FAM174B: variants seen among roughly 807,000 people sequenced by gnomAD.
FAM174B encodes family with sequence similarity 174 member B.
In FAM174B, 12 loss-of-function variants were observed where a neutral mutation model predicts 10.9. The observed-to-expected ratio is 1.10, with a 90% CI of 0.71 to 1.79. The LOEUF (loss-of-function observed/expected upper bound fraction) is 1.79. FAM174B is among the 40% of genes most tolerant of loss of function. FAM174B has a pLI of 0.00. For missense variants in FAM174B, 266 were observed against 233.3 expected (o/e 1.14, Z -0.91); for synonymous variants, 132 against 115.8 (o/e 1.14, Z -0.90).
rs555853051 is a variant in FAM174B, at chr15:92,618,160, T to TAAAAAATA, written c.*1288_*1295dup. The TAAAAAATA allele has an allele frequency of 6.1e-3, 932 of 153,184 alleles. 7 individuals are homozygous for TAAAAAATA. Among genetic ancestry groups the TAAAAAATA allele is most frequent in the Middle Eastern group, 0.013 (4 of 310 alleles). 9.5% of individuals were successfully genotyped at this position (153,184 alleles called of 1,614,324 possible). ...GCAAAGCCAGGAAAAAAGGGGGAGATAAAAAATAAAAAAATAAAAAACACC... is the reference window on the plus strand; with the variant it reads ...GCAAAGCCAGGAAAAAAGGGGGAGATAAAAAATAAAAAAATAAAAAAATAAAAAACACC... On this transcript the variant is annotated 3_prime_UTR_variant, in exon 3 of 3. Coordinates refer to ENST00000327355, the MANE Select transcript of FAM174B (RefSeq NM_207446.3).
chr15:92,644,328 C>A (rs2141962076), intron 1 of FAM174B, among the ~76,000 whole-genome samples: 1 of 152,270 alleles, frequency 6.6e-6, no homozygotes, highest in South Asian at 2.1e-4. Flanking sequence ...CCACCTAGAG[C>A]ATTTTCGACA....
chr15:92,618,797 T>C lies in FAM174B; in HGVS notation c.*659A>G, dbSNP rs2050697870. 5.8e-6 allele frequency: 1 copy of C among 172,678 alleles called. No homozygotes were observed. The highest frequency in any genetic ancestry group is 5.6e-5 in the Admixed American group (1 of 17,882). 10.7% of individuals were successfully genotyped at this position (172,678 alleles called of 1,614,324 possible). On this transcript the variant is annotated 3_prime_UTR_variant, in exon 3 of 3. Transcript: ENST00000327355. ...TTTTTCCCTGATACTGGAAATTCTT[T>C]GTGAACTAGCCACGCTGATTTCTGC...
In FAM174B at chr15:92,655,425, T is replaced by C. The variant is rs2050996451; in HGVS notation, c.235A>G (p.Thr79Ala). The C allele has an allele frequency of 6.3e-7, 1 of 1,591,580 alleles. No individual in the cohort carries two copies. The highest frequency in any genetic ancestry group is 8.5e-7 in the Non-Finnish European group (1 of 1,172,602). ...SSNSSGDALV[T>A]RISILLRDLP... ...TCGCGGAGGAGGATGGAAATGCGGG[T>C]CACCAAGGCGTCGCCACTGCTGTTG... Residue 79 changes from threonine to alanine, a missense_variant, in exon 1 of 3, where the codon ACC becomes GCC. Transcript: ENST00000327355.
intron 1 of FAM174B, among the ~76,000 whole-genome samples, chr15:92,646,989 G>T (rs2050932661): frequency 6.6e-6 from 1 of 152,212 alleles, no homozygotes; most frequent in South Asian, 2.1e-4. Flanking sequence ...GCTGAGTCAT[G>T]GGCCAGTGGC....
chr15:92,653,933 C>A (rs1329847734), intron 1 of FAM174B, among the ~76,000 whole-genome samples: 1 of 152,184 alleles, frequency 6.6e-6, no homozygotes, highest in Non-Finnish European at 1.5e-5. Context: ...CCACAGAGAG[C>A]TGCTAGAGTT....
In FAM174B at chr15:92,631,236, TATATATTATATTATATATA is replaced by T. The variant is rs1567045087; in HGVS notation, c.345-910_345-892del. ...ATATATTATATTATATATAATATAT[TATATATTATATTATATATA>T]ATATATTATATATTATATTATATAT... On this transcript the variant is annotated intron_variant, in intron 1 of 2. Coordinates refer to ENST00000327355, the MANE Select transcript of FAM174B (RefSeq NM_207446.3). 8.2e-3 allele frequency among the ~76,000 whole-genome samples: 23 copies of T among 2,792 alleles called. 3 individuals carry two copies. The highest frequency in any genetic ancestry group is 0.033 in the Non-Finnish European group (22 of 668). 1.8% of individuals were successfully genotyped at this position (2,792 alleles called of 152,430 possible). A position where few individuals can be genotyped will look rare whatever the true frequency, so the allele number is the denominator to read the frequency against.
chr15:92,649,830 G>T (rs192658920), intron 1 of FAM174B, among the ~76,000 whole-genome samples: 222 of 152,282 alleles, frequency 1.5e-3, no homozygotes, highest in African/African-American at 5.1e-3. Context: ...AAAGAATCTG[G>T]ATTTTGGCTG....
In FAM174B at chr15:92,642,091, A is replaced by G. The variant is rs1365957833; in HGVS notation, c.345-11746T>C. ...GGTCAACATGACTAGCCATCAATGC[A>G]TTGCAAATTAAACACACAACGAGAT... On this transcript the variant is annotated intron_variant, in intron 1 of 2. Transcript: ENST00000327355. Among the ~76,000 whole-genome samples, 4 of 152,252 alleles carry G rather than the reference A, an allele frequency of 2.6e-5. No individual in the cohort carries two copies. The East Asian group carries it at 7.7e-4, about 29-fold the overall frequency.
chr15:92,625,921 A>G (rs963517246), intron 2 of FAM174B, among the ~76,000 whole-genome samples: 1 of 152,160 alleles, frequency 6.6e-6, no homozygotes, highest in Non-Finnish European at 1.5e-5. Flanking sequence ...TATTTCAACC[A>G]CAAACAGCAC....
At chr15:92,629,334 A>C (rs2050775140) in intron 2 of FAM174B, among the ~76,000 whole-genome samples, 1 of 152,196 alleles carries the variant, frequency 6.6e-6, no homozygotes, top group African/African-American at 2.4e-5. Flanking sequence ...ATGATCTGAA[A>C]ACCCACACTA....
At chr15:92,654,386 A>G (rs1435213544) in intron 1 of FAM174B, among the ~76,000 whole-genome samples, 2 of 152,218 alleles carry the variant, frequency 1.3e-5, no homozygotes, top group African/African-American at 2.4e-5. Flanking sequence ...GGCGGGCCTC[A>G]GTAACAGGAC....
chr15:92,635,579 CTTTTTTTTTT>C (rs34666199), intron 1 of FAM174B, among the ~76,000 whole-genome samples: 14 of 128,262 alleles, frequency 1.1e-4, no homozygotes, highest in Admixed American at 8.0e-4. Context: ...ATATTTCTTT[CTTTTTTTTTT>C]TTTTTTTTTG....
intron 2 of FAM174B, 40 bp downstream of exon 2, chr15:92,630,174 G>T: frequency 6.2e-7 from 1 of 1,606,762 alleles, no homozygotes; most frequent in Non-Finnish European, 8.5e-7. Flanking sequence ...CCAACCCACT[G>T]CCCCAAGCCC....
chr15:92,655,221 C>A, intron 1 of FAM174B, 95 bp downstream of exon 1: 1 of 1,432,846 alleles, frequency 7.0e-7, no homozygotes, highest in Non-Finnish European at 9.1e-7. Context: ...CACCAGGGCA[C>A]CTGTGCGTGC....
chr15:92,623,688 G>C lies in FAM174B; in HGVS notation c.477-4229C>G, dbSNP rs536377974. On this transcript the variant is annotated intron_variant, in intron 2 of 2. Transcript: ENST00000327355. ...CTGACGTCTCAGTGCAGCCGGCAAG[G>C]ACACTCTGGGAAGAGGACGCAGTGG... 5.9e-5 allele frequency among the ~76,000 whole-genome samples: 9 copies of C among 152,320 alleles called. No individual in the cohort carries two copies. The East Asian group carries it at 1.7e-3, about 29-fold the overall frequency.
intron 1 of FAM174B, among the ~76,000 whole-genome samples, chr15:92,637,735 G>T (rs75522187): frequency 6.6e-6 from 1 of 152,134 alleles, no homozygotes; most frequent in East Asian, 1.9e-4. Context: ...ACCGGCAACT[G>T]CACCTCCCAG....
chr15:92,654,422 C>A (rs1027514911), intron 1 of FAM174B, among the ~76,000 whole-genome samples: 2 of 152,186 alleles, frequency 1.3e-5, no homozygotes, highest in Admixed American at 1.3e-4. Flanking sequence ...CCTGCAAAAA[C>A]AGGATTTCCC....
rs1388746874 is a variant in FAM174B, at chr15:92,655,756, G to A, written c.-97C>T. 7 of 1,078,736 alleles carry A rather than the reference G, an allele frequency of 6.5e-6. No homozygotes were observed. The Admixed American group carries it at 1.8e-4, about 28-fold the overall frequency. The allele number at this position is 1,078,736 out of a possible 1,614,324, so 66.8% of individuals were successfully genotyped here. On this transcript the variant is annotated 5_prime_UTR_variant, in exon 1 of 3. Transcript: ENST00000327355. ...GCCTGCACCGGGGGATCCTGCGGCG[G>A]AGGCGGCTGCGCGGTGCTTGGCAGG...
chr15:92,626,821 G>A (rs1292520793), intron 2 of FAM174B, among the ~76,000 whole-genome samples: 1 of 152,094 alleles, frequency 6.6e-6, no homozygotes, highest in Non-Finnish European at 1.5e-5. Flanking sequence ...GGGAGGCCGA[G>A]GCGGGTGGAT....
Sources: gnomAD v4.1 joint callset for allele counts (sites outside exome capture counted in the v4.1 genomes callset) on GRCh38, gnomAD v4.1.1 for gene constraint, MANE v1.5 for transcripts, NCBI Gene and HGNC (gene_info 2026-07-23, HGNC 2026-07-21) for gene names.